Variants in HERC3 observed in about 807,000 individuals in gnomAD.
HERC3 encodes HECT and RLD domain containing E3 ubiquitin protein ligase 3.
HERC3 carries 58 observed loss-of-function variants against 129.9 expected under a neutral mutation model. That is an observed-to-expected ratio of 0.45 (90% CI 0.36 to 0.56). HERC3 has a LOEUF of 0.56. Among genes scored for constraint, HERC3 ranks in the 20% least tolerant of loss-of-function variants. HERC3 has a pLI of 0.00. For missense variants in HERC3, 835 were observed against 1,244.2 expected (o/e 0.67, Z 4.95); for synonymous variants, 430 against 451.0 (o/e 0.95, Z 0.59).
intron 21 of HERC3, among the ~76,000 whole-genome samples, chr4:88,684,628 C>T (rs1733193739): frequency 6.6e-6 from 1 of 152,158 alleles, no homozygotes; most frequent in East Asian, 1.9e-4. Flanking sequence ...CAAATCGGAT[C>T]TAATCGAACT....
At chr4:88,536,065 A>C in the HERC3 span, among the ~76,000 whole-genome samples, 1 of 152,186 alleles carries the variant, frequency 6.6e-6, no homozygotes, top group Non-Finnish European at 1.5e-5. Flanking sequence ...TCACTGATGC[A>C]CTCAAGTGGC....
chr4:88,582,937 G>A, the HERC3 span, among the ~76,000 whole-genome samples: 1 of 151,988 alleles, frequency 6.6e-6, no homozygotes, highest in Non-Finnish European at 1.5e-5. Context: ...TCAACCATCT[G>A]GCTCTTCGAG....
At chr4:88,656,575 A>G (rs866672751) in intron 9 of HERC3, 1 of 153,338 alleles carries the variant, frequency 6.5e-6, no homozygotes, top group Non-Finnish European at 1.5e-5. Context: ...CGCCCTCATG[A>G]TCTAAACACA....
intron 4 of HERC3, 29 bp from the exon 5 acceptor site, chr4:88,651,983 T>A: frequency 1.4e-6 from 2 of 1,408,642 alleles, no homozygotes; most frequent in Non-Finnish European, 2.0e-6. Flanking sequence ...TGAATATCTA[T>A]CTGAAAAAGA....
At chr4:88,687,605 T>C (rs1020681611) in intron 23 of HERC3, among the ~76,000 whole-genome samples, 1 of 152,206 alleles carries the variant, frequency 6.6e-6, no homozygotes, top group African/African-American at 2.4e-5. Flanking sequence ...CACTGTGCTC[T>C]CTACTTCATG....
At chr4:88,605,386 ATAAG>A (rs1238078976) in intron 2 of HERC3, among the ~76,000 whole-genome samples, 1 of 152,250 alleles carries the variant, frequency 6.6e-6, no homozygotes, top group African/African-American at 2.4e-5. Flanking sequence ...AAAACATTAA[ATAAG>A]CAGAAAATTC....
chr4:88,576,777 G>A, the HERC3 span, among the ~76,000 whole-genome samples: 1 of 151,912 alleles, frequency 6.6e-6, no homozygotes. Context: ...GCCTTTTAAC[G>A]TTTTTATAGA....
At chr4:88,701,627 A>G (rs922741310) in intron 23 of HERC3, among the ~76,000 whole-genome samples, 18 of 152,152 alleles carry the variant, frequency 1.2e-4, no homozygotes, top group Admixed American at 1.2e-3. Context: ...AAAGAAAAAA[A>G]TTACTGATAC....
At chr4:88,535,815 A>G in the HERC3 span, among the ~76,000 whole-genome samples, 1 of 152,222 alleles carries the variant, frequency 6.6e-6, no homozygotes, top group African/African-American at 2.4e-5. Context: ...TAAGTTTCCA[A>G]TACAAGACAT....
rs565356458 is a variant in HERC3 at position 88,671,584 on chromosome 4, C to A, written c.1911+1332C>A. Among the ~76,000 whole-genome samples, 3 of 152,242 alleles carry A rather than the reference C, an allele frequency of 2.0e-5. No homozygotes were observed. In the East Asian group the frequency reaches 5.8e-4, roughly 29 times the overall value. ...TATCACCCAGGCTGGAGTGCAGTGG[C>A]ACCATCTTGGCTCACTGCAACCTCT... On this transcript the variant is annotated intron_variant, in intron 16 of 25. Transcript: ENST00000402738.
In HERC3 at chr4:88,652,859, G is replaced by A. The variant is rs1729444708; in HGVS notation, c.464-10G>A. On this transcript the variant is annotated splice_polypyrimidine_tract_variant and intron_variant, in intron 5 of 25. Transcript: ENST00000402738. The stretch of plus-strand genomic sequence containing the variant: ...ATTTTATGGTAATACCAGTTATCCT[G>A]TTATTTCAGATGGCCAGTTCTTCAC... 1 of 1,602,352 alleles carries A rather than the reference G, an allele frequency of 6.2e-7. No individual in the cohort carries two copies. Among genetic ancestry groups the A allele is most frequent in the South Asian group, 1.1e-5 (1 of 90,792 alleles).
intron 3 of HERC3, among the ~76,000 whole-genome samples, chr4:88,627,917 AAAAAAAAAG>A (rs1726304243): frequency 6.8e-6 from 1 of 147,684 alleles, no homozygotes; most frequent in African/African-American, 2.6e-5. Context: ...AAAAAAAAAA[AAAAAAAAAG>A]AAAACTTATC....
chr4:88,633,034 CTG>C (rs1317454487), intron 3 of HERC3, among the ~76,000 whole-genome samples: 34 of 152,170 alleles, frequency 2.2e-4, no homozygotes, highest in Admixed American at 2.2e-3. Context: ...ATTCAGAAGA[CTG>C]TGGATTTCAC....
At chr4:88,531,276 G>A in the HERC3 span, among the ~76,000 whole-genome samples, 5 of 151,992 alleles carry the variant, frequency 3.3e-5, no homozygotes, top group Admixed American at 6.6e-5. Flanking sequence ...CTGGCCTCAA[G>A]CTGTCCTCCC....
intron 9 of HERC3, among the ~76,000 whole-genome samples, chr4:88,657,704 C>G (rs753364852): frequency 7.9e-5 from 12 of 152,104 alleles, no homozygotes; most frequent in Non-Finnish European, 1.3e-4. Context: ...AATGTGGGAG[C>G]ACAGAGGAAG....
chr4:88,532,340 A>G, the HERC3 span, among the ~76,000 whole-genome samples: 1 of 152,196 alleles, frequency 6.6e-6, no homozygotes, highest in Non-Finnish European at 1.5e-5. Flanking sequence ...AGGCCTGAGA[A>G]CCACGGGAGC....
At chr4:88,669,439 G>A (rs1006412240) in intron 14 of HERC3, among the ~76,000 whole-genome samples, 6 of 152,080 alleles carry the variant, frequency 3.9e-5, no homozygotes, top group African/African-American at 1.4e-4. Flanking sequence ...TTGCCATATT[G>A]GTGCTGCTTC....
At chr4:88,549,323 A>T in the HERC3 span, among the ~76,000 whole-genome samples, 1 of 151,324 alleles carries the variant, frequency 6.6e-6, no homozygotes, top group Non-Finnish European at 1.5e-5. Flanking sequence ...CTTTTTTTAA[A>T]AAAAAAAACA....
the HERC3 span, among the ~76,000 whole-genome samples, chr4:88,568,142 T>C: frequency 6.6e-6 from 1 of 152,198 alleles, no homozygotes; most frequent in Non-Finnish European, 1.5e-5. Flanking sequence ...AAACAGAGTC[T>C]CTCTCTCCAT....
Sources: allele counts gnomAD v4.1 joint callset (sites outside exome capture counted in the v4.1 genomes callset), GRCh38; gene constraint gnomAD v4.1.1; transcripts MANE v1.5; gene names NCBI Gene and HGNC (gene_info 2026-07-23, HGNC 2026-07-21).